Variants in AR observed in about 807,000 individuals in gnomAD.
AR encodes androgen receptor, also known as dihydrotestosterone receptor.
Under a neutral mutation model 53.9 loss-of-function variants are expected in AR, and 8 were observed. That is an observed-to-expected ratio of 0.15 (90% CI 0.09 to 0.27). The LOEUF (loss-of-function observed/expected upper bound fraction) is 0.27, where lower values mean the gene tolerates loss of function less well. AR is among the 10% of genes least tolerant of loss of function. The pLI, the probability that AR is intolerant of heterozygous loss-of-function variation, is 1.00. For synonymous variants in AR, 359 were observed against 316.4 expected (o/e 1.13, Z -1.43); for missense variants, 639 against 742.5 (o/e 0.86, Z 1.62).
At chrX:67,603,204 C>A (rs1923463340) in intron 1 of AR, among the ~76,000 whole-genome samples, 1 of 111,324 alleles carries the variant, frequency 9.0e-6, no homozygotes, top group Non-Finnish European at 1.9e-5. Flanking sequence ...AAATATGGAG[C>A]CTGGAAAACT....
At position 67,546,613 on chromosome X, in the gene AR, G is replaced by A. The variant is rs1052091060; in HGVS notation, c.1467G>A (p.Gly489=). 9.3e-6 allele frequency: 11 copies of A among 1,186,513 alleles called. No homozygotes were observed. The African/African-American group carries it at 1.4e-4, about 15-fold the overall frequency. The change falls in exon 1 of 8, where the codon GGG becomes GGA. Residue 489 remains glycine (G), a synonymous_variant. Coordinates refer to ENST00000374690, the MANE Select transcript of AR (RefSeq NM_000044.6). ...APYGYTRPPQ[G]LAGQESDFTA... Reference sequence around the variant, plus strand: ...ACGGCTACACTCGGCCCCCTCAGGGGCTGGCGGGCCAGGAAAGCGACTTCA... The same window carrying A: ...ACGGCTACACTCGGCCCCCTCAGGGACTGGCGGGCCAGGAAAGCGACTTCA...
At chrX:67,719,080 G>A (rs1250737372) in intron 5 of AR, among the ~76,000 whole-genome samples, 1 of 110,877 alleles carries the variant, frequency 9.0e-6, no homozygotes, top group Non-Finnish European at 1.9e-5. Flanking sequence ...AAATCTACAG[G>A]CCAATGGTTC....
chrX:67,688,892 G>A (rs1396316105), intron 3 of AR, among the ~76,000 whole-genome samples: 5 of 111,858 alleles, frequency 4.5e-5, no homozygotes, highest in Admixed American at 3.8e-4. Context: ...AGTGGCCCTT[G>A]TCTATTCCTT....
rs772972298 is a variant in AR, at chrX:67,729,236, G to A, written c.*5395G>A. The A allele has an allele frequency of 1.7e-4, 30 of 174,273 alleles. No individual in the cohort carries two copies. Among genetic ancestry groups the A allele is most frequent in the Non-Finnish European group, 3.0e-4 (27 of 91,317 alleles). 14.4% of individuals were successfully genotyped at this position (174,273 alleles called of 1,213,427 possible). ...AAAACTTGTCAGAGTACTAGAAGTT[G>A]TATCTCTGTAGGTGCAGGTCCATTT... is the stretch of plus-strand genomic sequence containing the variant. On this transcript the variant is annotated 3_prime_UTR_variant, in exon 8 of 8. Transcript: ENST00000374690.
At chrX:67,633,659 C>T (rs1038054360) in intron 1 of AR, among the ~76,000 whole-genome samples, 3 of 111,683 alleles carry the variant, frequency 2.7e-5, no homozygotes, top group Non-Finnish European at 5.6e-5. Context: ...CAAATGTGGG[C>T]TCCAAATGTC....
intron 3 of AR, among the ~76,000 whole-genome samples, chrX:67,699,093 A>G (rs747044944): frequency 8.9e-6 from 1 of 112,375 alleles, no homozygotes; most frequent in South Asian, 3.7e-4. Context: ...CCTACACCAC[A>G]GTTCCTTACA....
chrX:67,582,261 G>A (rs1042722301), intron 1 of AR, among the ~76,000 whole-genome samples: 7 of 111,673 alleles, frequency 6.3e-5, no homozygotes, highest in East Asian at 2.8e-4. Context: ...CTAATCTAAG[G>A]ACTGAATTTT....
intron 1 of AR, among the ~76,000 whole-genome samples, chrX:67,602,523 C>T (rs764177148): frequency 7.1e-5 from 8 of 112,194 alleles, no homozygotes; most frequent in Admixed American, 9.5e-5. Flanking sequence ...CAGAAAGCCA[C>T]GCAGAGATTT....
intron 3 of AR, among the ~76,000 whole-genome samples, chrX:67,705,656 G>A (rs1437324901): frequency 1.8e-5 from 2 of 111,281 alleles, no homozygotes; most frequent in African/African-American, 6.5e-5. Flanking sequence ...CTGCCTGATT[G>A]TCCTAGCCAG....
chrX:67,664,142 G>A lies in AR; in HGVS notation c.1768+20735G>A, dbSNP rs745866002. ...ACTCGTCAAAGTCATTCTCCATCCAGCTTTGTTCCATTGCTGGTGAGGAGC... is the reference window on the plus strand; with the variant it reads ...ACTCGTCAAAGTCATTCTCCATCCAACTTTGTTCCATTGCTGGTGAGGAGC... On this transcript the variant is annotated intron_variant, in intron 2 of 7. Coordinates refer to ENST00000374690, the MANE Select transcript of AR (RefSeq NM_000044.6). Among the ~76,000 whole-genome samples, 4 of 112,150 alleles carry A rather than the reference G, an allele frequency of 3.6e-5. No individual in the cohort carries two copies. In the East Asian group the frequency reaches 8.5e-4, roughly 24 times the overall value.
chrX:67,667,754 A>T (rs1927344112), intron 2 of AR, among the ~76,000 whole-genome samples: 1 of 109,994 alleles, frequency 9.1e-6, no homozygotes. Context: ...ATTTTTTTTT[A>T]GTTTTCATTG....
chrX:67,547,795 C>G (rs1929825380), intron 1 of AR, among the ~76,000 whole-genome samples: 2 of 111,709 alleles, frequency 1.8e-5, no homozygotes, highest in African/African-American at 6.5e-5. Context: ...TTAGCTCTAA[C>G]AAATTGAGTA....
chrX:67,604,516 T>A (rs1455968095), intron 1 of AR, among the ~76,000 whole-genome samples: 2 of 110,971 alleles, frequency 1.8e-5, no homozygotes, highest in African/African-American at 6.6e-5. Context: ...CTCTAACCCT[T>A]AGCATGTATA....
At chrX:67,585,440 A>G (rs764170269) in intron 1 of AR, among the ~76,000 whole-genome samples, 5 of 111,540 alleles carry the variant, frequency 4.5e-5, no homozygotes, top group African/African-American at 9.8e-5. Context: ...GGCTTCCTTT[A>G]TAAACATTAT....
intron 1 of AR, among the ~76,000 whole-genome samples, chrX:67,626,088 C>G (rs1924619384): frequency 9.0e-6 from 1 of 111,173 alleles, no homozygotes. Context: ...CAATTATACT[C>G]TTTTAGTTAT....
intron 1 of AR, among the ~76,000 whole-genome samples, chrX:67,603,244 C>G (rs1420122234): frequency 9.0e-6 from 1 of 111,549 alleles, no homozygotes. Flanking sequence ...ATCTTGGGAG[C>G]TCACTCTGAA....
At chrX:67,719,642 T>G (rs1433651878) in intron 5 of AR, among the ~76,000 whole-genome samples, 2 of 112,136 alleles carry the variant, frequency 1.8e-5, no homozygotes, top group Non-Finnish European at 3.8e-5. Context: ...CAACATGGAT[T>G]CTGTTGACAT....
intron 4 of AR, among the ~76,000 whole-genome samples, chrX:67,714,208 T>C (rs957546177): frequency 6.2e-5 from 7 of 112,053 alleles, no homozygotes; most frequent in African/African-American, 2.3e-4. Context: ...ACTAGTTCTG[T>C]GACCTTGAGC....
intron 1 of AR, among the ~76,000 whole-genome samples, chrX:67,637,178 T>A (rs1033124630): frequency 2.7e-5 from 3 of 110,411 alleles, no homozygotes; most frequent in Admixed American, 1.9e-4. Context: ...GTTTTTTTTT[T>A]ATTTTATTAT....
Sources: gnomAD v4.1 joint callset for allele counts (sites outside exome capture counted in the v4.1 genomes callset) on GRCh38, gnomAD v4.1.1 for gene constraint, MANE v1.5 for transcripts, NCBI Gene and HGNC (gene_info 2026-07-23, HGNC 2026-07-21) for gene names.